LAMB4: variants seen among roughly 807,000 people sequenced by gnomAD.
The protein encoded by LAMB4 is laminin subunit beta-4.
LAMB4 carries 196 observed loss-of-function variants against 199.2 expected under a neutral mutation model. The observed-to-expected ratio is 0.98, with a 90% CI of 0.88 to 1.11. The LOEUF is 1.11. LAMB4 is among the 50% of genes least tolerant of loss of function. LAMB4 has a pLI of 0.00. For synonymous variants in LAMB4, 744 were observed against 770.6 expected, an observed-to-expected ratio of 0.97 and a Z score of 0.57; for missense variants, 2,080 against 2,171.2, an observed-to-expected ratio of 0.96 and a Z score of 0.83.
At chr7:108,129,477 T>C (rs2038906961) in intron 1 of LAMB4, among the ~76,000 whole-genome samples, 1 of 152,198 alleles carries the variant, frequency 6.6e-6, no homozygotes, top group Non-Finnish European at 1.5e-5. Flanking sequence ...ATTAGATATT[T>C]CAACTGTTTT....
At chr7:108,094,844 G>C (rs557614919) in intron 12 of LAMB4, among the ~76,000 whole-genome samples, 1 of 152,104 alleles carries the variant, frequency 6.6e-6, no homozygotes, top group Non-Finnish European at 1.5e-5. Flanking sequence ...TTTTAGGAAG[G>C]GAGTGGTAGG....
intron 18 of LAMB4, among the ~76,000 whole-genome samples, chr7:108,068,670 C>T (rs2036428330): frequency 6.6e-6 from 1 of 151,912 alleles, no homozygotes; most frequent in African/African-American, 2.4e-5. Flanking sequence ...CACCATACCC[C>T]TTACTAGTGT....
In LAMB4 at chr7:108,034,304, G is replaced by A; in HGVS notation, c.4722C>T (p.Asn1574=). 6.2e-7 allele frequency: 1 copy of A among 1,612,340 alleles called. No individual in the cohort carries two copies. The highest frequency in any genetic ancestry group is 8.5e-7 in the Non-Finnish European group (1 of 1,178,460). Residue 1574 remains asparagine, a synonymous_variant, in exon 31 of 34, where the codon AAC becomes AAT. Transcript: ENST00000388781. ...GAGTGATTTGAGCTTGTTGTAACTG[G>A]TTCAATGTTTTGTCAAGATTTAATA... ...NILLNLDKTL[N]QLQQAQITQG...
chr7:108,014,053 G>C, the LAMB4 span, among the ~76,000 whole-genome samples: 2 of 152,030 alleles, frequency 1.3e-5, no homozygotes, highest in Non-Finnish European at 2.9e-5. Flanking sequence ...AAAGATAGCT[G>C]TTTCTTCTTT....
intron 28 of LAMB4, among the ~76,000 whole-genome samples, chr7:108,045,683 G>A (rs1201711529): frequency 2.6e-5 from 4 of 152,194 alleles, no homozygotes; most frequent in African/African-American, 4.8e-5. Flanking sequence ...CAATGAAGGT[G>A]TGTTTTAAGC....
chr7:108,031,630 T>A (rs1165078499), intron 31 of LAMB4, among the ~76,000 whole-genome samples: 1 of 152,138 alleles, frequency 6.6e-6, no homozygotes, highest in African/African-American at 2.4e-5. Context: ...TTTTTTCACC[T>A]TATACAAATA....
chr7:108,024,078 A>C lies in LAMB4; in HGVS notation c.5247T>G (p.Ile1749Met). The C allele has an allele frequency of 4.4e-6, 7 of 1,608,802 alleles. No individual in the cohort carries two copies. The highest frequency in any genetic ancestry group is 4.2e-6 in the Non-Finnish European group (5 of 1,177,782). Residue 1749 changes from isoleucine (I) to methionine (M), a missense_variant, in exon 34 of 34, where the codon ATT (isoleucine) becomes ATG (methionine). Ile to Met is a conservative substitution (Grantham distance 10). Coordinates refer to ENST00000388781, the MANE Select transcript of LAMB4 (RefSeq NM_007356.3). ...EDQVVAIKNE[I>M]VEQEKKYARC... is the part of the protein sequence containing the mutation. ...TAGCATATTTTTTTTCTTGTTCAAC[A>C]ATTTCATTTTTAATGGCAACAACTT...
intron 16 of LAMB4, among the ~76,000 whole-genome samples, chr7:108,077,321 G>C (rs1445832743): frequency 6.6e-6 from 1 of 152,076 alleles, no homozygotes; most frequent in Admixed American, 6.6e-5. Context: ...TGTTATGACA[G>C]CTCTGGGGAA....
At chr7:108,041,425 A>G (rs1005188815) in intron 29 of LAMB4, among the ~76,000 whole-genome samples, 5 of 152,188 alleles carry the variant, frequency 3.3e-5, no homozygotes, top group Non-Finnish European at 5.9e-5. Flanking sequence ...ACATCATTCT[A>G]TCATAAAGAC....
chr7:108,069,774 C>T lies in LAMB4; in HGVS notation c.2236G>A (p.Val746Met). The T allele has an allele frequency of 1.9e-6, 3 of 1,614,034 alleles. No homozygotes were observed. The highest frequency in any genetic ancestry group is 2.2e-5 in the South Asian group (2 of 91,064). ...VEIASAMGPQ[V>M]LPGACERLII... ...AGCCTTTCACAGGCACCCGGGAGCA[C>T]TTGAGGTCCCATTGCTGAGGCAATT... Residue 746 changes from valine (V) to methionine (M), a missense_variant, in exon 18 of 34, where the codon GTG becomes ATG. Physicochemically the swap from Val to Met is conservative, Grantham distance 21. Transcript: ENST00000388781.
chr7:108,081,034 A>C (rs2036915846), intron 14 of LAMB4, among the ~76,000 whole-genome samples: 1 of 152,152 alleles, frequency 6.6e-6, no homozygotes, highest in Non-Finnish European at 1.5e-5. Flanking sequence ...AGACAGGAGA[A>C]TCGCTTGAAC....
Position 108,126,554 on chromosome 7 carries a change from CTTTTTTTTT to C in LAMB4, c.-33-3366_-33-3358del, listed in dbSNP as rs71137605. 4.4e-4 allele frequency among the ~76,000 whole-genome samples: 37 copies of C among 83,520 alleles called. 2 individuals carry two copies. The highest frequency in any genetic ancestry group is 1.4e-3 in the Admixed American group (7 of 4,874). 54.8% of individuals were successfully genotyped at this position (83,520 alleles called of 152,430 possible). A position where few individuals can be genotyped will look rare whatever the true frequency, so the allele number is the denominator to read the frequency against. Reference sequence around the variant, plus strand: ...TTGTAGGATGTGTCAGAATTTCTTTCTTTTTTTTTTTTTTTTTTTTTGAGACGGAGTCTC... The same window carrying C: ...TTGTAGGATGTGTCAGAATTTCTTTCTTTTTTTTTTTTGAGACGGAGTCTC... On this transcript the variant is annotated intron_variant, in intron 1 of 33. Transcript: ENST00000388781.
At chr7:108,106,671 C>T in intron 6 of LAMB4, 99 bp from the exon 7 acceptor site, 1 of 670,322 alleles carries the variant, frequency 1.5e-6, no homozygotes, top group Non-Finnish European at 2.5e-6. Context: ...CCCAAGAAAT[C>T]TTACCACTTC....
chr7:108,107,258 G>A (rs535242694), intron 6 of LAMB4, among the ~76,000 whole-genome samples: 2 of 152,284 alleles, frequency 1.3e-5, no homozygotes, highest in East Asian at 1.9e-4. Context: ...GGATGTTCCC[G>A]GCAGATTCCC....
In LAMB4 at chr7:108,048,017, G is replaced by A; in HGVS notation, c.4217C>T (p.Pro1406Leu). Residue 1406 changes from proline (P) to leucine (L), a missense_variant, in exon 28 of 34, where the codon CCC (proline) becomes CTC (leucine). Transcript: ENST00000388781. ...GAGGGTCAGGGAGCCGTGACAGCCG[G>A]GACCCCTACACTTCCTGTGCCCCTT... ...GRKGHRKCRG[P>L]GCHGSLTLST... 1 of 1,614,148 alleles carries A rather than the reference G, an allele frequency of 6.2e-7. No homozygotes were observed. The highest frequency in any genetic ancestry group is 8.5e-7 in the Non-Finnish European group (1 of 1,180,020).
intron 5 of LAMB4, 105 bp from the exon 6 acceptor site, chr7:108,107,924 G>T: frequency 1.2e-6 from 1 of 831,788 alleles, no homozygotes; most frequent in Non-Finnish European, 1.8e-6. Context: ...AAAACTTTAG[G>T]TGTATCTTTT....
rs1442234562 is a variant in LAMB4 at position 108,103,231 on chromosome 7, C to G, written c.993G>C (p.Ser331=). Residue 331 remains serine (S), a splice_region_variant and synonymous_variant, in exon 10 of 34, where the codon TCG becomes TCC. Transcript: ENST00000388781. ...GGCTGGAGTGGCTATTACAGCTGCA[C>G]GCTGAAAGGAGAAGACAGTGACTGA... ...AADLQDNACR[S]CSCNSHSSRC... The G allele has an allele frequency of 1.3e-6, 2 of 1,550,026 alleles. No individual in the cohort carries two copies. Among genetic ancestry groups the G allele is most frequent in the African/African-American group, 1.4e-5 (1 of 73,516 alleles).
At position 108,077,120 on chromosome 7, in the gene LAMB4, C is replaced by G. The variant is rs111594051; in HGVS notation, c.2004-56G>C. 5,725 of 1,571,678 alleles carry G rather than the reference C, an allele frequency of 3.6e-3. 152 individuals carry two copies. The African/African-American group carries it at 0.062, about 17-fold the overall frequency. The stretch of plus-strand genomic sequence containing the variant: ...GACCACAGAAATACAATTATATTAG[C>G]TAAATGGCCATAGTATTTGGTAGCA... On this transcript the variant is annotated intron_variant, in intron 16 of 33. Transcript: ENST00000388781.
chr7:108,046,626 A>G (rs2035636000), intron 28 of LAMB4, among the ~76,000 whole-genome samples: 2 of 152,106 alleles, frequency 1.3e-5, no homozygotes, highest in Admixed American at 1.3e-4. Flanking sequence ...AATGATGCTC[A>G]TTTATAAATG....
Sources: gnomAD v4.1 joint callset for allele counts (sites outside exome capture counted in the v4.1 genomes callset) on GRCh38, gnomAD v4.1.1 for gene constraint, MANE v1.5 for transcripts, NCBI Gene and HGNC (gene_info 2026-07-23, HGNC 2026-07-21) for gene names.